The following PTPRN2 variants were observed in gnomAD, a reference collection of about 807,000 sequenced individuals.
PTPRN2 encodes protein tyrosine phosphatase receptor type N2.
PTPRN2 carries 74 observed loss-of-function variants against 118.8 expected under a neutral mutation model. That is an observed-to-expected ratio of 0.62 (90% CI 0.52 to 0.76). PTPRN2 has a LOEUF of 0.76. Ranked by LOEUF, PTPRN2 falls within the 30% of genes least tolerant of loss-of-function variation. The pLI is 0.00. For synonymous variants in PTPRN2, 641 were observed against 608.0 expected (o/e 1.05, Z -0.80); for missense variants, 1,481 against 1,394.4 (o/e 1.06, Z -0.99).
intron 17 of PTPRN2, among the ~76,000 whole-genome samples, chr7:157,584,424 T>C (rs531848247): frequency 3.3e-5 from 5 of 152,280 alleles, no homozygotes; most frequent in African/African-American, 1.2e-4. Flanking sequence ...TTTGGATATT[T>C]ATGTAAAAAA....
chr7:157,981,471 A>T (rs956777567), intron 11 of PTPRN2, among the ~76,000 whole-genome samples: 6 of 152,202 alleles, frequency 3.9e-5, no homozygotes, highest in Non-Finnish European at 7.3e-5. Flanking sequence ...ACACCAACAC[A>T]CACACAAATT....
At chr7:157,672,577 TA>T (rs1393911505) in intron 13 of PTPRN2, among the ~76,000 whole-genome samples, 4 of 152,172 alleles carry the variant, frequency 2.6e-5, no homozygotes, top group African/African-American at 9.7e-5. Context: ...AAGATTGCGT[TA>T]TTGTCCACTC....
At chr7:158,258,419 TTTAATTTAAATTTCTA>T (rs144000195) in intron 3 of PTPRN2, among the ~76,000 whole-genome samples, 5,615 of 152,312 alleles carry the variant, frequency 0.037, 155 homozygotes, top group East Asian at 0.11. Flanking sequence ...GTTGTCTGCA[TTTAATTTAAATTTCTA>T]TGAATCGCCG....
chr7:157,548,346 T>C (rs1798428100), intron 22 of PTPRN2, among the ~76,000 whole-genome samples: 1 of 151,994 alleles, frequency 6.6e-6, no homozygotes, highest in Non-Finnish European at 1.5e-5. Flanking sequence ...GAGGGCGAAA[T>C]GAAACCAAGG....
chr7:157,760,383 C>T (rs1396656828), intron 12 of PTPRN2, among the ~76,000 whole-genome samples: 1 of 151,958 alleles, frequency 6.6e-6, no homozygotes, highest in Non-Finnish European at 1.5e-5. Context: ...CCACGTTCAG[C>T]TCTACATGCA....
intron 2 of PTPRN2, among the ~76,000 whole-genome samples, chr7:158,322,854 G>T (rs775877547): frequency 9.2e-5 from 14 of 152,350 alleles, no homozygotes; most frequent in South Asian, 4.1e-4. Flanking sequence ...CCCTGGCAAG[G>T]GCTGGAGATT....
chr7:157,957,102 G>T (rs572125006), intron 11 of PTPRN2, among the ~76,000 whole-genome samples: 3 of 152,194 alleles, frequency 2.0e-5, no homozygotes, highest in Admixed American at 6.5e-5. Flanking sequence ...GCTCAGAGAG[G>T]TTCAGAAGGG....
chr7:158,291,637 G>A (rs1800125587), intron 3 of PTPRN2, among the ~76,000 whole-genome samples: 1 of 152,230 alleles, frequency 6.6e-6, no homozygotes, highest in Non-Finnish European at 1.5e-5. Context: ...TGCTGTCTTT[G>A]GTTGTCTGAC....
intron 10 of PTPRN2, among the ~76,000 whole-genome samples, chr7:158,085,851 C>T (rs1314248317): frequency 9.6e-5 from 14 of 145,462 alleles, no homozygotes; most frequent in African/African-American, 3.3e-4. Flanking sequence ...GACGCCCATC[C>T]ACACCCACGA....
At chr7:158,121,806 C>T (rs1476031662) in intron 9 of PTPRN2, among the ~76,000 whole-genome samples, 1 of 152,230 alleles carries the variant, frequency 6.6e-6, no homozygotes, top group Non-Finnish European at 1.5e-5. Flanking sequence ...CACTCCCTTC[C>T]TTCCTCAGCC....
At chr7:158,262,361 CAT>C (rs1306307362) in intron 3 of PTPRN2, among the ~76,000 whole-genome samples, 1 of 114,166 alleles carries the variant, frequency 8.8e-6, no homozygotes, top group Non-Finnish European at 1.8e-5. Context: ...ACACTGCAAA[CAT>C]TCACTGCACA....
At chr7:157,775,992 G>A (rs1052902310) in intron 12 of PTPRN2, among the ~76,000 whole-genome samples, 7 of 151,930 alleles carry the variant, frequency 4.6e-5, no homozygotes, top group Admixed American at 1.3e-4. Flanking sequence ...GGGGATAGCC[G>A]CAGCCAGCTG....
intron 21 of PTPRN2, among the ~76,000 whole-genome samples, chr7:157,568,203 C>T (rs1799580252): frequency 6.6e-6 from 1 of 152,192 alleles, no homozygotes; most frequent in African/African-American, 2.4e-5. Flanking sequence ...GCTGCTGGAC[C>T]CATCCTCGCA....
At chr7:158,477,213 G>A (rs1180379668) in intron 2 of PTPRN2, among the ~76,000 whole-genome samples, 4 of 152,188 alleles carry the variant, frequency 2.6e-5, no homozygotes, top group Admixed American at 2.6e-4. Flanking sequence ...AGGTGGCTGG[G>A]ACATCTTAGA....
At position 158,565,148 on chromosome 7, in the gene PTPRN2, T is replaced by C. The variant is rs1371817297; in HGVS notation, c.112+22410A>G. Among the ~76,000 whole-genome samples, 1 of 152,020 alleles carries C rather than the reference T, an allele frequency of 6.6e-6. No homozygotes were observed. The highest frequency in any genetic ancestry group is 1.5e-5 in the Non-Finnish European group (1 of 68,008). On this transcript the variant is annotated intron_variant, in intron 1 of 22. Coordinates refer to ENST00000389418, the MANE Select transcript of PTPRN2 (RefSeq NM_002847.5). The surrounding 1 kb of genome is among the most constrained non-coding windows in gnomAD (Gnocchi z 4.6). The stretch of plus-strand genomic sequence containing the variant: ...CTTCTGCTCTATAAAACTATGAGGT[T>C]CCCAGGAACATGACACAGTCCGTGC...
chr7:157,855,593 T>C (rs1809651559), intron 12 of PTPRN2, among the ~76,000 whole-genome samples: 1 of 152,106 alleles, frequency 6.6e-6, no homozygotes, highest in Admixed American at 6.5e-5. Context: ...TGTGATGTAG[T>C]GATGGGGCTT....
At chr7:158,398,019 C>G (rs1812661868) in intron 2 of PTPRN2, among the ~76,000 whole-genome samples, 1 of 152,182 alleles carries the variant, frequency 6.6e-6, no homozygotes, top group African/African-American at 2.4e-5. Context: ...TGAGTCCCCA[C>G]TGATCCTGAG....
At chr7:157,562,085 G>A (rs1344858708) in intron 21 of PTPRN2, among the ~76,000 whole-genome samples, 1 of 152,204 alleles carries the variant, frequency 6.6e-6, no homozygotes, top group Non-Finnish European at 1.5e-5. Context: ...AACCTGCAAA[G>A]CCCTGAGTCC....
chr7:158,267,488 G>A (rs1163059328), intron 3 of PTPRN2, among the ~76,000 whole-genome samples: 4 of 152,160 alleles, frequency 2.6e-5, no homozygotes, highest in South Asian at 2.1e-4. Context: ...AGGTGTCAAA[G>A]CGATAGGAAT....
Sources: allele counts gnomAD v4.1 joint callset (sites outside exome capture counted in the v4.1 genomes callset), GRCh38; gene constraint gnomAD v4.1.1; non-coding constraint Gnocchi (gnomAD v3.1); transcripts MANE v1.5; gene names NCBI Gene and HGNC (gene_info 2026-07-23, HGNC 2026-07-21).